Variants in PSMD1 observed in about 807,000 individuals in gnomAD.
PSMD1 encodes the protein 26S proteasome non-ATPase regulatory subunit 1.
PSMD1 carries 18 observed loss-of-function variants against 119.0 expected under a neutral mutation model. The observed-to-expected ratio is 0.15, with a 90% confidence interval of 0.10 to 0.22. The LOEUF (loss-of-function observed/expected upper bound fraction) is 0.22. Among genes scored for constraint, PSMD1 ranks in the 10% least tolerant of loss-of-function variants. The pLI is 1.00. For missense variants in PSMD1, 702 were observed against 1,158.5 expected (o/e 0.61, Z 5.72); for synonymous variants, 374 against 396.6 (o/e 0.94, Z 0.68).
At position 231,123,660 on chromosome 2, in the gene PSMD1, C is replaced by G. The variant is rs772533852; in HGVS notation, c.1884-15076C>G. On this transcript the variant is annotated intron_variant, in intron 16 of 24. Coordinates refer to ENST00000308696, the MANE Select transcript of PSMD1 (RefSeq NM_002807.4). ...TCATTTCCTCTGGTATTGATTCTGT[C>G]TGTAATCCAGACCAGTTAGAAGAGA... 4.5e-5 allele frequency: 73 copies of G among 1,613,800 alleles called. 1 individual carries two copies. In the South Asian group the frequency reaches 7.6e-4, roughly 17 times the overall value.
At chr2:231,067,745 C>T (rs558672100) in intron 5 of PSMD1, among the ~76,000 whole-genome samples, 98 of 152,250 alleles carry the variant, frequency 6.4e-4, no homozygotes, top group Middle Eastern at 3.4e-3. Flanking sequence ...AAACCTCTGC[C>T]TCCGGGGTTC....
intron 19 of PSMD1, among the ~76,000 whole-genome samples, chr2:231,156,427 G>C (rs902575855): frequency 6.6e-6 from 1 of 151,972 alleles, no homozygotes; most frequent in Non-Finnish European, 1.5e-5. Flanking sequence ...GATCTTTAAT[G>C]ACATGTGTCT....
chr2:231,123,475 G>T, intron 16 of PSMD1: 1 of 1,613,990 alleles, frequency 6.2e-7, no homozygotes, highest in Non-Finnish European at 8.5e-7. Context: ...ATCAGCCACC[G>T]CCAAGGACAT....
At chr2:231,086,512 CT>C (rs1694445783) in intron 15 of PSMD1, among the ~76,000 whole-genome samples, 1 of 152,090 alleles carries the variant, frequency 6.6e-6, no homozygotes, top group Non-Finnish European at 1.5e-5. Context: ...GAAAAATTAG[CT>C]GGGCATGGTG....
chr2:231,074,812 A>G (rs12620983), intron 7 of PSMD1, among the ~76,000 whole-genome samples: 5,362 of 152,218 alleles, frequency 0.035, 113 homozygotes, highest in East Asian at 0.11. Flanking sequence ...ATGTAGTACT[A>G]TACAAAATAA....
chr2:231,139,829 TA>T (rs942921194), intron 17 of PSMD1, among the ~76,000 whole-genome samples: 67 of 152,174 alleles, frequency 4.4e-4, no homozygotes, highest in Non-Finnish European at 8.8e-4. Flanking sequence ...TCAAAAGTTA[TA>T]AAAAAAGAGT....
intron 19 of PSMD1, among the ~76,000 whole-genome samples, chr2:231,154,628 C>T (rs892791580): frequency 6.6e-6 from 1 of 152,134 alleles, no homozygotes; most frequent in African/African-American, 2.4e-5. Context: ...TCACCACACC[C>T]AACTAATTGT....
At chr2:231,064,718 T>C (rs570626673) in intron 4 of PSMD1, among the ~76,000 whole-genome samples, 1 of 152,316 alleles carries the variant, frequency 6.6e-6, no homozygotes, top group East Asian at 1.9e-4. Context: ...CGGGCTGGAG[T>C]GCAATGGCAC....
chr2:231,139,215 G>T (rs1696043541), intron 17 of PSMD1: 1 of 354,322 alleles, frequency 2.8e-6, no homozygotes, highest in South Asian at 2.2e-5. Flanking sequence ...TGTTGGCCAG[G>T]CTGGTCTCGA....
rs140932102 is a variant in PSMD1, at chr2:231,089,594, G to GATATATATATATAT, written c.1883+2420_1883+2433dup. On this transcript the variant is annotated intron_variant, in intron 16 of 24. Coordinates refer to ENST00000308696, the MANE Select transcript of PSMD1 (RefSeq NM_002807.4). ...TTCCCTAGAGGGACAGAATTAATAG[G>GATATATATATATAT]ATATATATATATATATATATGGGAG... Among the ~76,000 whole-genome samples the GATATATATATATAT allele has an allele frequency of 2.6e-3, 375 of 143,146 alleles. 4 individuals carry two copies. The highest frequency in any genetic ancestry group is 9.6e-3 in the African/African-American group (360 of 37,622). The allele number at this position is 143,146 out of a possible 152,430, so 93.9% of individuals were successfully genotyped here.
Position 231,165,195 on chromosome 2 carries a change from C to T in PSMD1, c.2482-5C>T, listed in dbSNP as rs1434985750. 2 of 1,596,990 alleles carry T rather than the reference C, an allele frequency of 1.3e-6. No individual in the cohort carries two copies. The highest frequency in any genetic ancestry group is 8.5e-7 in the Non-Finnish European group (1 of 1,170,434). ...TACAACAGTTTACCCTGCTCATTTC[C>T]CCAGGTTTCTACTGCTGTATTATCT... On this transcript the variant is annotated splice_polypyrimidine_tract_variant and splice_region_variant and intron_variant, in intron 21 of 24. Transcript: ENST00000308696.
chr2:231,169,504 G>A (rs1696864465), intron 23 of PSMD1, among the ~76,000 whole-genome samples: 1 of 152,174 alleles, frequency 6.6e-6, no homozygotes, highest in African/African-American at 2.4e-5. Context: ...GTATAGATAT[G>A]TGTGTGTCAG....
chr2:231,107,889 A>G (rs879472951), intron 16 of PSMD1, among the ~76,000 whole-genome samples: 11 of 152,252 alleles, frequency 7.2e-5, no homozygotes, highest in African/African-American at 1.4e-4. Flanking sequence ...TAGAAGCTCA[A>G]TATCAGTCAT....
chr2:231,073,479 C>A (rs7590986), intron 7 of PSMD1, among the ~76,000 whole-genome samples: 2 of 151,744 alleles, frequency 1.3e-5, no homozygotes, highest in Non-Finnish European at 2.9e-5. Flanking sequence ...AATTTTGATT[C>A]TTTTTTCTTT....
chr2:231,172,258 C>A (rs1696931110), intron 24 of PSMD1, among the ~76,000 whole-genome samples: 1 of 152,142 alleles, frequency 6.6e-6, no homozygotes, highest in African/African-American at 2.4e-5. Flanking sequence ...CATGGAAAAC[C>A]CTTGATTACA....
chr2:231,140,151 T>G (rs775439227), intron 17 of PSMD1, among the ~76,000 whole-genome samples: 2 of 152,180 alleles, frequency 1.3e-5, no homozygotes, highest in Non-Finnish European at 2.9e-5. Context: ...ATGGACTGAT[T>G]CCAGGAATCT....
rs1476923328 is a variant in PSMD1, at chr2:231,161,387, C to T, written c.2266C>T (p.His756Tyr). ...ISLQSRTGHT[H>Y]MPSVVGVLVF... ...CTTGCAGTCCAGGACTGGGCATACT[C>T]ATATGCCTTCTGTGGTTGGCGTCCT... Residue 756 changes from histidine to tyrosine, a missense_variant, in exon 20 of 25, where the codon CAT (histidine) becomes TAT (tyrosine). His to Tyr is a moderately conservative substitution (Grantham distance 83). Transcript: ENST00000308696. The T allele has an allele frequency of 9.9e-6, 16 of 1,613,410 alleles. No individual in the cohort carries two copies. The highest frequency in any genetic ancestry group is 1.3e-5 in the African/African-American group (1 of 75,040).
In PSMD1 at chr2:231,165,029, TATATTTATATATATATA is replaced by T. The variant is rs1696731828; in HGVS notation, c.2482-170_2482-154del. 1.6e-4 allele frequency: 4 copies of T among 24,648 alleles called. No individual in the cohort carries two copies. The African/African-American group carries it at 1.7e-3, about 10-fold the overall frequency. The allele number at this position is 24,648 out of a possible 1,614,324, so 1.5% of individuals were successfully genotyped here. ...TTTCCCATTTATTCTTTGATTTATA[TATATTTATATATATATA>T]TATATATATATATATATATATATAT... On this transcript the variant is annotated intron_variant, in intron 21 of 24. Coordinates refer to ENST00000308696, the MANE Select transcript of PSMD1 (RefSeq NM_002807.4).
At chr2:231,092,329 G>A (rs776733109) in intron 16 of PSMD1, among the ~76,000 whole-genome samples, 6 of 152,120 alleles carry the variant, frequency 3.9e-5, no homozygotes, top group African/African-American at 1.2e-4. Context: ...CCCTGCACTC[G>A]GGTCACAAAC....
Sources: allele counts gnomAD v4.1 joint callset (sites outside exome capture counted in the v4.1 genomes callset), GRCh38; gene constraint gnomAD v4.1.1; transcripts MANE v1.5; gene names NCBI Gene and HGNC (gene_info 2026-07-23, HGNC 2026-07-21).